The following RANBP2 variants were observed in gnomAD, a reference collection of about 807,000 sequenced individuals.
RANBP2 encodes E3 SUMO-protein ligase RanBP2.
Under a neutral mutation model 303.6 loss-of-function variants are expected in RANBP2, and 57 were observed. The ratio of observed to expected loss-of-function variants is 0.19; its 90% CI spans 0.15 to 0.23. The LOEUF (loss-of-function observed/expected upper bound fraction) is 0.23. Among genes scored for constraint, RANBP2 ranks in the 10% least tolerant of loss-of-function variants. The pLI, the probability that RANBP2 is intolerant of heterozygous loss-of-function variation, is 1.00. For missense variants in RANBP2, 3,138 were observed against 3,780.8 expected, an observed-to-expected ratio of 0.83 and a Z score of 4.46; for synonymous variants, 1,167 against 1,301.5, an observed-to-expected ratio of 0.90 and a Z score of 2.23.
chr2:109,463,255 C>A, the RANBP2 span, among the ~76,000 whole-genome samples: 1 of 152,254 alleles, frequency 6.6e-6, no homozygotes, highest in Non-Finnish European at 1.5e-5. Flanking sequence ...ATATAATGGA[C>A]TGCCAGTTGC....
chr2:109,624,571 G>C, the RANBP2 span, among the ~76,000 whole-genome samples: 1 of 152,150 alleles, frequency 6.6e-6, no homozygotes, highest in African/African-American at 2.4e-5. Flanking sequence ...ATCTGAGATT[G>C]TGGTCTGATC....
the RANBP2 span, among the ~76,000 whole-genome samples, chr2:109,709,384 C>CA: frequency 1.6e-4 from 22 of 140,808 alleles, no homozygotes; most frequent in Non-Finnish European, 3.5e-4. Flanking sequence ...AATAACAAAA[C>CA]AAAACAAAAC....
chr2:108,868,452 T>C, the RANBP2 span, among the ~76,000 whole-genome samples: 1 of 152,178 alleles, frequency 6.6e-6, no homozygotes, highest in South Asian at 2.1e-4. Flanking sequence ...TTTCAAGAAA[T>C]AACTTAGACC....
At chr2:109,255,340 A>C in the RANBP2 span, among the ~76,000 whole-genome samples, 34 of 152,330 alleles carry the variant, frequency 2.2e-4, no homozygotes, top group African/African-American at 6.7e-4. Context: ...AGCTACTCTA[A>C]GAATACAGAG....
chr2:109,718,844 T>C, the RANBP2 span, among the ~76,000 whole-genome samples: 8 of 151,712 alleles, frequency 5.3e-5, no homozygotes, highest in Admixed American at 2.6e-4. Flanking sequence ...ACCCCGTCTC[T>C]ACTAAAAGTA....
At chr2:109,539,211 T>C in the RANBP2 span, among the ~76,000 whole-genome samples, 1 of 151,868 alleles carries the variant, frequency 6.6e-6, no homozygotes, top group Non-Finnish European at 1.5e-5. Context: ...GGCAGAAGAA[T>C]CGCTTGAACC....
chr2:109,341,061 G>A, the RANBP2 span, among the ~76,000 whole-genome samples: 9 of 152,218 alleles, frequency 5.9e-5, no homozygotes, highest in African/African-American at 1.2e-4. Flanking sequence ...AGGGCAAGTC[G>A]TGTTTTCATC....
the RANBP2 span, among the ~76,000 whole-genome samples, chr2:109,402,993 A>G: frequency 1.3e-5 from 2 of 151,978 alleles, no homozygotes; most frequent in Admixed American, 6.5e-5. Flanking sequence ...GTTGATACAC[A>G]GTCAGGGTGG....
the RANBP2 span, chr2:109,545,704 T>A: frequency 1.6e-5 from 23 of 1,458,068 alleles, no homozygotes; most frequent in Admixed American, 9.7e-5. Flanking sequence ...TCATGGTAGG[T>A]CAGCAGCCAT....
the RANBP2 span, chr2:108,897,226 A>C: frequency 6.2e-7 from 1 of 1,613,676 alleles, no homozygotes; most frequent in Admixed American, 1.7e-5. Context: ...CGTGGGGCTA[A>C]GACCTACAGA....
the RANBP2 span, among the ~76,000 whole-genome samples, chr2:109,593,394 T>C: frequency 6.8e-6 from 1 of 147,890 alleles, no homozygotes; most frequent in Non-Finnish European, 1.5e-5. Context: ...CATTTACAAG[T>C]AGAGAGAGAA....
the RANBP2 span, among the ~76,000 whole-genome samples, chr2:109,607,422 T>C: frequency 2.6e-5 from 4 of 152,208 alleles, no homozygotes; most frequent in Middle Eastern, 3.4e-3. Flanking sequence ...GCATTCTCAA[T>C]GGGGGCAGTA....
chr2:109,612,377 T>C, the RANBP2 span, among the ~76,000 whole-genome samples: 2 of 152,294 alleles, frequency 1.3e-5, no homozygotes, highest in South Asian at 4.1e-4. Context: ...GGAACATCCT[T>C]TATCTTCACT....
the RANBP2 span, among the ~76,000 whole-genome samples, chr2:109,606,812 T>C: frequency 2.0e-5 from 3 of 150,850 alleles, no homozygotes; most frequent in Admixed American, 6.7e-5. Flanking sequence ...CCCGAGTAGC[T>C]GGGACTACAG....
the RANBP2 span, among the ~76,000 whole-genome samples, chr2:109,693,703 C>T: frequency 4.7e-3 from 716 of 152,270 alleles, 4 homozygotes; most frequent in African/African-American, 0.017. Context: ...TATAAATTAC[C>T]CATGTCAGGT....
At chr2:109,419,570 C>T in the RANBP2 span, 28 of 1,598,748 alleles carry the variant, frequency 1.8e-5, no homozygotes, top group African/African-American at 2.3e-4. Context: ...TCTACCCCCA[C>T]GGCTGTCCCA....
the RANBP2 span, among the ~76,000 whole-genome samples, chr2:109,650,824 G>C: frequency 6.6e-6 from 1 of 152,190 alleles, no homozygotes; most frequent in Non-Finnish European, 1.5e-5. Context: ...ATGTGGACCT[G>C]TGAGTCCAAT....
At chr2:108,929,573 G>T in the RANBP2 span, among the ~76,000 whole-genome samples, 3 of 152,110 alleles carry the variant, frequency 2.0e-5, no homozygotes, top group Admixed American at 2.0e-4. Flanking sequence ...CCCTCTCCTC[G>T]CCACTCTCAG....
the RANBP2 span, among the ~76,000 whole-genome samples, chr2:109,713,365 C>A: frequency 1.1e-4 from 17 of 152,072 alleles, no homozygotes; most frequent in African/African-American, 3.9e-4. Context: ...CTTCATCCCC[C>A]ACAAAGGACA....
Sources: allele counts gnomAD v4.1 joint callset (sites outside exome capture counted in the v4.1 genomes callset), GRCh38; gene constraint gnomAD v4.1.1; transcripts MANE v1.5; gene names NCBI Gene and HGNC (gene_info 2026-07-23, HGNC 2026-07-21).